SYN3: variants seen among roughly 807,000 people sequenced by gnomAD.
The protein encoded by SYN3 is synapsin-3.
Under a neutral mutation model 65.8 loss-of-function variants are expected in SYN3, and 35 were observed. The ratio of observed to expected loss-of-function variants is 0.53; its 90% confidence interval spans 0.41 to 0.70. SYN3 has a LOEUF of 0.70. Ranked by LOEUF, SYN3 falls within the 30% of genes least tolerant of loss-of-function variation. The pLI, the probability that SYN3 is intolerant of heterozygous loss-of-function variation, is 0.00. For missense variants in SYN3, 680 were observed against 749.0 expected (o/e 0.91, Z 1.08); for synonymous variants, 270 against 292.9 (o/e 0.92, Z 0.80).
intron 4 of SYN3, among the ~76,000 whole-genome samples, chr22:32,911,934 A>G (rs1287914574): frequency 6.6e-6 from 1 of 152,212 alleles, no homozygotes; most frequent in African/African-American, 2.4e-5. Context: ...AAATTCAGAC[A>G]GAGCTGGACT....
chr22:33,018,000 A>G (rs1352773581), intron 1 of SYN3, among the ~76,000 whole-genome samples: 2 of 152,194 alleles, frequency 1.3e-5, no homozygotes, highest in African/African-American at 4.8e-5. Context: ...ATGTTTAGAA[A>G]AGCAGAGAGG....
At chr22:32,593,028 G>A (rs2059149393) in intron 7 of SYN3, among the ~76,000 whole-genome samples, 1 of 152,156 alleles carries the variant, frequency 6.6e-6, no homozygotes, top group African/African-American at 2.4e-5. Context: ...CGTTCTCTTT[G>A]CTTGTCTCCA....
chr22:32,817,144 C>A (rs182485358), intron 6 of SYN3, among the ~76,000 whole-genome samples: 1 of 151,498 alleles, frequency 6.6e-6, no homozygotes, highest in Admixed American at 6.6e-5. Flanking sequence ...CTTGAGTCCA[C>A]GAGGTTGAGG....
At chr22:32,834,090 G>T (rs1380292889) in intron 6 of SYN3, among the ~76,000 whole-genome samples, 5 of 151,792 alleles carry the variant, frequency 3.3e-5, no homozygotes, top group African/African-American at 1.2e-4. Flanking sequence ...AATTTGTTCT[G>T]TTATTCCAGC....
intron 6 of SYN3, among the ~76,000 whole-genome samples, chr22:32,705,637 G>A (rs1397825171): frequency 6.6e-6 from 1 of 152,192 alleles, no homozygotes; most frequent in African/African-American, 2.4e-5. Context: ...TCTGTAAATT[G>A]CTTTGGGCAG....
chr22:32,961,299 C>T (rs775211889), intron 3 of SYN3, among the ~76,000 whole-genome samples: 2 of 152,006 alleles, frequency 1.3e-5, no homozygotes, highest in Non-Finnish European at 1.5e-5. Context: ...TTAGGCTAAG[C>T]GTATCTTCCT....
At chr22:32,571,928 C>T (rs964189541) in intron 7 of SYN3, among the ~76,000 whole-genome samples, 6 of 151,856 alleles carry the variant, frequency 4.0e-5, no homozygotes, top group South Asian at 2.1e-4. Flanking sequence ...GCTGTGTGCT[C>T]GGTGTTGGCG....
At chr22:32,521,397 T>C (rs1242589244) in intron 12 of SYN3, among the ~76,000 whole-genome samples, 1 of 151,624 alleles carries the variant, frequency 6.6e-6, no homozygotes, top group African/African-American at 2.4e-5. Flanking sequence ...GCTTCTGTGC[T>C]ATCAAGAGAT....
At chr22:32,894,505 A>C (rs1319511498) in intron 4 of SYN3, among the ~76,000 whole-genome samples, 1 of 152,182 alleles carries the variant, frequency 6.6e-6, no homozygotes, top group East Asian at 1.9e-4. Context: ...CCAACACAGA[A>C]ATCTGCTAAG....
Position 32,834,996 on chromosome 22 carries a change from C to T in SYN3, c.711+29919G>A, listed in dbSNP as rs548817137. Among the ~76,000 whole-genome samples, 66 of 152,360 alleles carry T rather than the reference C, an allele frequency of 4.3e-4. 1 individual carries two copies. Among genetic ancestry groups the T allele is most frequent in the African/African-American group, 1.5e-3 (64 of 41,588 alleles). On this transcript the variant is annotated intron_variant, in intron 6 of 13. Coordinates refer to ENST00000358763, the MANE Select transcript of SYN3 (RefSeq NM_003490.4). Reference sequence around the variant, plus strand: ...TTTGCAGTCCTCAGCCATGTGACCTCCGACCTGTCAGTCTTGGTCTGATTG... The same window carrying T: ...TTTGCAGTCCTCAGCCATGTGACCTTCGACCTGTCAGTCTTGGTCTGATTG...
intron 3 of SYN3, among the ~76,000 whole-genome samples, chr22:32,935,308 T>A (rs78684144): frequency 0.19 from 28,367 of 148,878 alleles, 2,871 homozygotes; most frequent in Non-Finnish European, 0.23. Context: ...TCTCTCTCTC[T>A]CACACACACA....
intron 1 of SYN3, among the ~76,000 whole-genome samples, chr22:33,010,629 A>G (rs1254477414): frequency 6.6e-6 from 1 of 152,158 alleles, no homozygotes; most frequent in Non-Finnish European, 1.5e-5. Context: ...CTGTCTCAAG[A>G]TTGTCTTAGA....
At chr22:32,764,411 C>T (rs3788504) in intron 6 of SYN3, among the ~76,000 whole-genome samples, 15,717 of 152,162 alleles carry the variant, frequency 0.1, 1,170 homozygotes, top group East Asian at 0.32. Flanking sequence ...GTAGAGAAGC[C>T]GGCAAAGACT....
intron 6 of SYN3, among the ~76,000 whole-genome samples, chr22:32,648,274 G>C (rs1267982312): frequency 6.6e-6 from 1 of 152,194 alleles, no homozygotes; most frequent in Non-Finnish European, 1.5e-5. Context: ...CCCATAGCAA[G>C]CAAGAGTATC....
intron 3 of SYN3, among the ~76,000 whole-genome samples, chr22:32,980,186 G>A (rs962970793): frequency 3.9e-5 from 6 of 152,168 alleles, no homozygotes; most frequent in South Asian, 2.1e-4. Context: ...AATGATATAA[G>A]GAAATCAAGG....
chr22:32,593,291 T>C (rs965951642), intron 7 of SYN3, among the ~76,000 whole-genome samples: 1 of 151,740 alleles, frequency 6.6e-6, no homozygotes, highest in Non-Finnish European at 1.5e-5. Context: ...CTCCTTTCCA[T>C]GTTTTGGGAG....
chr22:32,661,551 GC>G (rs2060217191), intron 6 of SYN3, among the ~76,000 whole-genome samples: 1 of 151,736 alleles, frequency 6.6e-6, no homozygotes, highest in South Asian at 2.1e-4. Flanking sequence ...CCTCCCCTTG[GC>G]GGCATTGTGC....
intron 9 of SYN3, among the ~76,000 whole-genome samples, chr22:32,535,615 T>C (rs930864633): frequency 2.6e-5 from 4 of 152,262 alleles, no homozygotes; most frequent in Middle Eastern, 3.4e-3. Flanking sequence ...TTCTTCTCAA[T>C]GGAACGTGGA....
chr22:33,043,783 A>T (rs1395841468), intron 1 of SYN3, among the ~76,000 whole-genome samples: 2 of 152,038 alleles, frequency 1.3e-5, no homozygotes, highest in Non-Finnish European at 2.9e-5. Context: ...GGTCAGGCGC[A>T]GTGGCTCACG....
Sources: allele counts gnomAD v4.1 joint callset (sites outside exome capture counted in the v4.1 genomes callset), GRCh38; gene constraint gnomAD v4.1.1; transcripts MANE v1.5; gene names NCBI Gene and HGNC (gene_info 2026-07-23, HGNC 2026-07-21).